PIK3CG: variants seen among roughly 807,000 people sequenced by gnomAD.
PIK3CG encodes phosphatidylinositol 4,5-bisphosphate 3-kinase catalytic subunit gamma isoform.
Under a neutral mutation model 102.3 loss-of-function variants are expected in PIK3CG, and 55 were observed. The ratio of observed to expected loss-of-function variants is 0.54; its 90% CI spans 0.43 to 0.67. The LOEUF is 0.67. PIK3CG is among the 30% of genes least tolerant of loss of function. The probability of loss-of-function intolerance (pLI) is 0.00; values close to 1 mark genes in which losing one functional copy is unlikely to be tolerated. For synonymous variants in PIK3CG, 552 were observed against 540.0 expected (o/e 1.02, Z -0.31); for missense variants, 1,258 against 1,391.8 (o/e 0.90, Z 1.53).
chr7:106,868,106 C>A lies in PIK3CG; in HGVS notation c.545C>A (p.Thr182Asn), dbSNP rs368836634. The A allele has an allele frequency of 2.5e-6, 4 of 1,613,014 alleles. No homozygotes were observed. In the East Asian group the frequency reaches 6.7e-5, roughly 27 times the overall value. ...GAGTTCACGCGCCGTGGCTTGGTGA[C>A]CCCGCGCATGGCGGAGGTGGCCAGC... ...ELEFTRRGLV[T>N]PRMAEVASRD... Residue 182 changes from threonine to asparagine, a missense_variant, in exon 2 of 11, where the codon ACC (threonine) becomes AAC (asparagine). By Grantham distance (65) the Thr-to-Asn change is moderately conservative. Around this residue, in one of 2 missense-constraint regions of PIK3CG, gnomAD observed 832 missense variants for 787.5 expected, o/e 1.06. Transcript: ENST00000496166. The surrounding 1 kb of genome is among the most constrained non-coding windows in gnomAD (Gnocchi z 6.2).
At chr7:106,876,105 G>A (rs1401614933) in intron 5 of PIK3CG, among the ~76,000 whole-genome samples, 2 of 149,846 alleles carry the variant, frequency 1.3e-5, no homozygotes, top group African/African-American at 2.4e-5. Context: ...TAGTAGAGAC[G>A]GGGTTTCACC....
Position 106,899,271 on chromosome 7 carries a change from A to G in PIK3CG, c.3031-5838A>G, listed in dbSNP as rs1002182601. ...CTGGAGGAGCTTTTAGGCAGAGACTATGGGGTTTTCTAGATATAAAATCAT... is the reference window on the plus strand; with the variant it reads ...CTGGAGGAGCTTTTAGGCAGAGACTGTGGGGTTTTCTAGATATAAAATCAT... On this transcript the variant is annotated intron_variant, in intron 10 of 10. Coordinates refer to ENST00000496166, the MANE Select transcript of PIK3CG (RefSeq NM_001282426.2). This position sits in a 1 kb window ranked among gnomAD's most constrained non-coding sequence, Gnocchi z 4.6. Among the ~76,000 whole-genome samples the G allele has an allele frequency of 4.6e-5, 7 of 152,166 alleles. No individual in the cohort carries two copies. The highest frequency in any genetic ancestry group is 7.4e-5 in the Non-Finnish European group (5 of 68,020).
In PIK3CG at chr7:106,905,395, G is replaced by A. The variant is rs1490682005; in HGVS notation, c.*8G>A. The A allele has an allele frequency of 6.2e-7, 1 of 1,605,020 alleles. No homozygotes were observed. Among genetic ancestry groups the A allele is most frequent in the Non-Finnish European group, 8.5e-7 (1 of 1,174,694 alleles). ...GAGAAACATTCAGCCTAATACTTTA[G>A]GCTAGAATCAAAAACAAGTTAGTGT... On this transcript the variant is annotated 3_prime_UTR_variant, in exon 11 of 11. Transcript: ENST00000496166. This position sits in a 1 kb window ranked among gnomAD's most constrained non-coding sequence, Gnocchi z 5.6.
chr7:106,888,593 T>C (rs1188602902), intron 10 of PIK3CG, among the ~76,000 whole-genome samples: 1 of 152,224 alleles, frequency 6.6e-6, no homozygotes, highest in Non-Finnish European at 1.5e-5. Flanking sequence ...TCTCAAGCCA[T>C]TAAAACCTTT....
Position 106,906,556 on chromosome 7 carries a change from T to C in PIK3CG, c.*1169T>C, listed in dbSNP as rs1008867114. ...TAAAGGACTTTTAAACTTTGACACATCCTTCAGATTTCCTGAAAATAATTG... is the reference window on the plus strand; with the variant it reads ...TAAAGGACTTTTAAACTTTGACACACCCTTCAGATTTCCTGAAAATAATTG... On this transcript the variant is annotated 3_prime_UTR_variant, in exon 11 of 11. Coordinates refer to ENST00000496166, the MANE Select transcript of PIK3CG (RefSeq NM_001282426.2). 3 of 230,252 alleles carry C rather than the reference T, an allele frequency of 1.3e-5. No individual in the cohort carries two copies. The highest frequency in any genetic ancestry group is 6.6e-5 in the African/African-American group (3 of 45,218). The allele number at this position is 230,252 out of a possible 1,614,324, so 14.3% of individuals were successfully genotyped here. A position where few individuals can be genotyped will look rare whatever the true frequency, so the allele number is the denominator to read the frequency against.
At chr7:106,881,379 AAGC>A (rs1414265969) in intron 6 of PIK3CG, among the ~76,000 whole-genome samples, 5 of 152,202 alleles carry the variant, frequency 3.3e-5, no homozygotes, top group African/African-American at 9.6e-5. Context: ...ATCACACATA[AAGC>A]AGCAATCAGT....
In PIK3CG at chr7:106,899,530, ATG is replaced by A. The variant is rs1158660523; in HGVS notation, c.3031-5577_3031-5576del. On this transcript the variant is annotated intron_variant, in intron 10 of 10. Coordinates refer to ENST00000496166, the MANE Select transcript of PIK3CG (RefSeq NM_001282426.2). The surrounding 1 kb of genome is among the most constrained non-coding windows in gnomAD (Gnocchi z 4.6). ...TAAATGGCTCTCATTATTTTGAGAT[ATG>A]TTCCTTCAATACCTAGTTTATTGAG... Among the ~76,000 whole-genome samples the A allele has an allele frequency of 6.6e-6, 1 of 152,226 alleles. No individual in the cohort carries two copies. The highest frequency in any genetic ancestry group is 1.5e-5 in the Non-Finnish European group (1 of 68,034).
At position 106,867,951 on chromosome 7, in the gene PIK3CG, G is replaced by A. The variant is rs145945868; in HGVS notation, c.390G>A (p.Arg130=). 4.3e-6 allele frequency: 7 copies of A among 1,612,956 alleles called. No individual in the cohort carries two copies. The highest frequency in any genetic ancestry group is 2.7e-5 in the African/African-American group (2 of 74,942). ...TGCGCTACTGGAAGGCCACGCACCGGAGCCCGGGCCAGATCCACCTGGTGC... is the reference window on the plus strand; with the variant it reads ...TGCGCTACTGGAAGGCCACGCACCGAAGCCCGGGCCAGATCCACCTGGTGC... ...DCLRYWKATH[R]SPGQIHLVQR... is the part of the protein sequence containing the mutation. Residue 130 remains arginine (R), a synonymous_variant, in exon 2 of 11, where the codon CGG becomes CGA. Transcript: ENST00000496166. This position sits in a 1 kb window ranked among gnomAD's most constrained non-coding sequence, Gnocchi z 5.1.
chr7:106,886,309 A>C lies in PIK3CG; in HGVS notation c.3030+17A>C, dbSNP rs2116563232. ...AAATTTCAGGTAAGTCACCTCCTTC[A>C]TCGCCTGCTGAGAATAGCACCGAAG... On this transcript the variant is annotated intron_variant, in intron 10 of 10. Coordinates refer to ENST00000496166, the MANE Select transcript of PIK3CG (RefSeq NM_001282426.2). 6.2e-7 allele frequency: 1 copy of C among 1,613,666 alleles called. No homozygotes were observed.
At position 106,907,828 on chromosome 7, in the gene PIK3CG, ATG is replaced by A. The variant is rs1333690194; in HGVS notation, c.*2451_*2452del. ...ATCACAGTTTTATATATATATATGT[ATG>A]TGTGTGTGTATATATATATATATAT... On this transcript the variant is annotated 3_prime_UTR_variant, in exon 11 of 11. Transcript: ENST00000496166. Among the ~76,000 whole-genome samples the A allele has an allele frequency of 3.0e-5, 4 of 133,542 alleles. No homozygotes were observed. Among genetic ancestry groups the A allele is most frequent in the Admixed American group, 8.0e-5 (1 of 12,436 alleles). 87.6% of individuals were successfully genotyped at this position (133,542 alleles called of 152,430 possible).
intron 2 of PIK3CG, among the ~76,000 whole-genome samples, chr7:106,871,720 A>T (rs1295684857): frequency 6.6e-6 from 1 of 152,252 alleles, no homozygotes; most frequent in Admixed American, 6.5e-5. Flanking sequence ...ACTTACAGAA[A>T]AGCACAGAGA....
rs1298651962 is a variant in PIK3CG, at chr7:106,879,339, A to G, written c.2392-180A>G. ...TTAAGAGTTGTGAATTCGCTCTCAC[A>G]TGGCATTTCCAGATTTGCTCAAAAC... On this transcript the variant is annotated intron_variant, in intron 5 of 10. Coordinates refer to ENST00000496166, the MANE Select transcript of PIK3CG (RefSeq NM_001282426.2). This position sits in a 1 kb window ranked among gnomAD's most constrained non-coding sequence, Gnocchi z 4.9. Among the ~76,000 whole-genome samples, 1 of 152,216 alleles carries G rather than the reference A, an allele frequency of 6.6e-6. No homozygotes were observed. The highest frequency in any genetic ancestry group is 1.5e-5 in the Non-Finnish European group (1 of 68,046).
chr7:106,892,287 A>G lies in PIK3CG; in HGVS notation c.3030+5995A>G, dbSNP rs1791285275. On this transcript the variant is annotated intron_variant, in intron 10 of 10. Coordinates refer to ENST00000496166, the MANE Select transcript of PIK3CG (RefSeq NM_001282426.2). This position sits in a 1 kb window ranked among gnomAD's most constrained non-coding sequence, Gnocchi z 5.2. The stretch of plus-strand genomic sequence containing the variant: ...TCCTTGTCTATACTTATAACCTGCT[A>G]GGCTGGATTTTCTCAGCCTCCTGCT... Among the ~76,000 whole-genome samples, 1 of 152,130 alleles carries G rather than the reference A, an allele frequency of 6.6e-6. No homozygotes were observed.
rs932259390 is a variant in PIK3CG at position 106,890,204 on chromosome 7, C to T, written c.3030+3912C>T. On this transcript the variant is annotated intron_variant, in intron 10 of 10. Coordinates refer to ENST00000496166, the MANE Select transcript of PIK3CG (RefSeq NM_001282426.2). This position sits in a 1 kb window ranked among gnomAD's most constrained non-coding sequence, Gnocchi z 4.2. ...TCTCGTTGTTTTGTTTTGTTTGAGA[C>T]GGAGTCTCTCTCTGTTGCCCAGGCT... 2.0e-4 allele frequency among the ~76,000 whole-genome samples: 31 copies of T among 152,276 alleles called. No individual in the cohort carries two copies. The highest frequency in any genetic ancestry group is 1.4e-3 in the Admixed American group (21 of 15,294).
At position 106,867,757 on chromosome 7, in the gene PIK3CG, A is replaced by G. The variant is rs1269689685; in HGVS notation, c.196A>G (p.Asn66Asp). ...GCTGCTGCACGTGGCCGGCCACGGCAACGTGGAGCAGATGAAGGCCCAGGT... is the reference window on the plus strand; with the variant it reads ...GCTGCTGCACGTGGCCGGCCACGGCGACGTGGAGCAGATGAAGGCCCAGGT... ...TALLHVAGHG[N>D]VEQMKAQVWL... is the part of the protein sequence containing the mutation. The change falls in exon 2 of 11, where the codon AAC (asparagine) becomes GAC (aspartate). Residue 66 changes from asparagine (N) to aspartate (D), a missense_variant. Physicochemically the swap from Asn to Asp is conservative, Grantham distance 23. This residue lies in a region of PIK3CG where 832 missense variants were observed against 787.5 expected (regional missense o/e 1.06). Coordinates refer to ENST00000496166, the MANE Select transcript of PIK3CG (RefSeq NM_001282426.2). The surrounding 1 kb of genome is among the most constrained non-coding windows in gnomAD (Gnocchi z 5.1). The G allele has an allele frequency of 1.2e-6, 2 of 1,612,926 alleles. No individual in the cohort carries two copies. Among genetic ancestry groups the G allele is most frequent in the Admixed American group, 3.3e-5 (2 of 60,010 alleles).
chr7:106,868,550 CG>C lies in PIK3CG; in HGVS notation c.992del (p.Gly331GlufsTer53). ...KEEWPLVDDC[T>X]GVTGYHEQLT... ...GAGTGGCCACTGGTGGATGACTGCACGGGAGTCACCGGCTACCATGAGCAGC... is the reference window on the plus strand; with the variant it reads ...GAGTGGCCACTGGTGGATGACTGCACGGAGTCACCGGCTACCATGAGCAGC... On this transcript the variant is annotated frameshift_variant, in exon 2 of 11. Coordinates refer to ENST00000496166, the MANE Select transcript of PIK3CG (RefSeq NM_001282426.2). LOFTEE classifies it high-confidence loss of function. The surrounding 1 kb of genome is among the most constrained non-coding windows in gnomAD (Gnocchi z 6.2). The C allele has an allele frequency of 1.9e-6, 3 of 1,614,044 alleles. No individual in the cohort carries two copies. The highest frequency in any genetic ancestry group is 2.5e-6 in the Non-Finnish European group (3 of 1,180,014).
In PIK3CG at chr7:106,867,872, G is replaced by C. The variant is rs1186998186; in HGVS notation, c.311G>C (p.Gly104Ala). ...TTCCTCCTGCTCTATCAGAAGAAGG[G>C]GCAGTGGTACGAGATCTACGACAAG... ...HHFLLLYQKKGQWYEIYDKYQ... is the reference protein window; with the variant it reads ...HHFLLLYQKKAQWYEIYDKYQ... The change falls in exon 2 of 11, where the codon GGG becomes GCG. Residue 104 changes from glycine (G) to alanine (A), a missense_variant. Physicochemically the swap from Gly to Ala is moderately conservative, Grantham distance 60. Coordinates refer to ENST00000496166, the MANE Select transcript of PIK3CG (RefSeq NM_001282426.2). This position sits in a 1 kb window ranked among gnomAD's most constrained non-coding sequence, Gnocchi z 5.1. 5.0e-6 allele frequency: 8 copies of C among 1,612,832 alleles called. No homozygotes were observed. Among genetic ancestry groups the C allele is most frequent in the Non-Finnish European group, 6.8e-6 (8 of 1,179,938 alleles).
At chr7:106,865,793 C>T (rs1158748011) in intron 1 of PIK3CG, 1 of 152,182 alleles carries the variant, frequency 6.6e-6, no homozygotes, top group East Asian at 1.9e-4. Context: ...ATTAGTCAGC[C>T]TGTTTTCCTC....
chr7:106,886,161 C>T lies in PIK3CG; in HGVS notation c.2899C>T (p.His967Tyr), dbSNP rs2116560723. ...AAACCTATTTCATATTGACTTCGGG[C>T]ACATTCTTGGGAATTACAAAAGTTT... Reference protein sequence around the residue: ...TGNLFHIDFGHILGNYKSFLG... With the variant: ...TGNLFHIDFGYILGNYKSFLG... Residue 967 changes from histidine to tyrosine, a missense_variant, in exon 10 of 11, where the codon CAC (histidine) becomes TAC (tyrosine). His to Tyr is a moderately conservative substitution (Grantham distance 83). Transcript: ENST00000496166. 6.2e-7 allele frequency: 1 copy of T among 1,614,032 alleles called. No individual in the cohort carries two copies. The highest frequency in any genetic ancestry group is 1.1e-5 in the South Asian group (1 of 91,072).
Sources: gnomAD v4.1 joint callset for allele counts (sites outside exome capture counted in the v4.1 genomes callset) on GRCh38, gnomAD v4.1.1 for gene constraint, gnomAD v4.1.1 regional missense constraint, Gnocchi (gnomAD v3.1) non-coding constraint, MANE v1.5 for transcripts, NCBI Gene and HGNC (gene_info 2026-07-23, HGNC 2026-07-21) for gene names.